BRWD1: variants seen among roughly 807,000 people sequenced by gnomAD.
BRWD1 encodes the protein bromodomain and WD repeat-containing protein 1.
BRWD1 carries 82 observed loss-of-function variants against 251.2 expected under a neutral mutation model. That is an observed-to-expected ratio of 0.33 (90% CI 0.27 to 0.39). The LOEUF is 0.39. Among genes scored for constraint, BRWD1 ranks in the 10% least tolerant of loss-of-function variants. The pLI is 1.00. For synonymous variants in BRWD1, 918 were observed against 902.8 expected, an observed-to-expected ratio of 1.02 and a Z score of -0.30; for missense variants, 2,233 against 2,711.6, an observed-to-expected ratio of 0.82 and a Z score of 3.92.
In BRWD1 at chr21:39,289,986, C is replaced by A. The variant is rs1418506292; in HGVS notation, c.831+3825G>T. On this transcript the variant is annotated intron_variant, in intron 8 of 40. Transcript: ENST00000342449. ...CTTGCAGTGAGCCGAGATCGCGCCA[C>A]TGCACTCCAGCCTGGGTGACAGAGT... Among the ~76,000 whole-genome samples, 6 of 147,734 alleles carry A rather than the reference C, an allele frequency of 4.1e-5. No individual in the cohort carries two copies. In the Admixed American group the frequency reaches 4.1e-4, roughly 10 times the overall value.
At chr21:39,239,516 T>A (rs4818008) in intron 21 of BRWD1, among the ~76,000 whole-genome samples, 52,065 of 151,994 alleles carry the variant, frequency 0.34, 9,437 homozygotes, top group Admixed American at 0.42. Flanking sequence ...GGGCTCTTTA[T>A]GTTGTTCCAT....
At chr21:39,267,734 T>C (rs528253858) in intron 15 of BRWD1, among the ~76,000 whole-genome samples, 10 of 152,316 alleles carry the variant, frequency 6.6e-5, no homozygotes, top group African/African-American at 1.7e-4. Context: ...GAATTTATCT[T>C]AGGGAAATAA....
intron 8 of BRWD1, among the ~76,000 whole-genome samples, chr21:39,290,725 G>A (rs2035785311): frequency 6.6e-6 from 1 of 152,132 alleles, no homozygotes; most frequent in Admixed American, 6.5e-5. Context: ...TGTTAACTGT[G>A]AAACCTAGCA....
intron 23 of BRWD1, chr21:39,235,637 C>T: frequency 4.5e-6 from 1 of 221,578 alleles, no homozygotes; most frequent in Admixed American, 4.1e-5. Flanking sequence ...GAGAAAAACT[C>T]CCCAAATTCT....
chr21:39,189,710 AATTTT>A lies in BRWD1; in HGVS notation c.*6544_*6548del. 1.0e-6 allele frequency: 1 copy of A among 981,354 alleles called. No individual in the cohort carries two copies. Among genetic ancestry groups the A allele is most frequent in the Non-Finnish European group, 1.2e-6 (1 of 826,206 alleles). 60.8% of individuals were successfully genotyped at this position (981,354 alleles called of 1,614,324 possible). A position where few individuals can be genotyped will look rare whatever the true frequency, so the allele number is the denominator to read the frequency against. ...TTTTAAATACATTCAAGTCAGTGTT[AATTTT>A]ATTACTGAAAACTGAGTAAATTATA... is the stretch of plus-strand genomic sequence containing the variant. On this transcript the variant is annotated 3_prime_UTR_variant, in exon 41 of 41. Coordinates refer to ENST00000342449, the MANE Select transcript of BRWD1 (RefSeq NM_033656.4).
intron 8 of BRWD1, among the ~76,000 whole-genome samples, chr21:39,284,470 C>T (rs1601459502): frequency 6.6e-6 from 1 of 152,192 alleles, no homozygotes. Flanking sequence ...AGAGAGAGAA[C>T]CTGCCTCTGG....
At chr21:39,313,153 C>T in intron 2 of BRWD1, 52 bp from the exon 3 acceptor site, 3 of 1,494,084 alleles carry the variant, frequency 2.0e-6, no homozygotes, top group Non-Finnish European at 2.7e-6. Flanking sequence ...GGGGCGCTCC[C>T]GTTTCACCCC....
intron 31 of BRWD1, among the ~76,000 whole-genome samples, chr21:39,215,932 C>T (rs997925603): frequency 6.6e-6 from 1 of 151,940 alleles, no homozygotes; most frequent in African/African-American, 2.4e-5. Flanking sequence ...CCTGGCAGGT[C>T]GAGGCTACAG....
chr21:39,313,145 G>A, intron 2 of BRWD1, 44 bp from the exon 3 acceptor site: 1 of 1,495,952 alleles, frequency 6.7e-7, no homozygotes, highest in South Asian at 1.3e-5. Context: ...TCGGGCCCGG[G>A]GCGCTCCCGT....
chr21:39,295,988 G>T, intron 6 of BRWD1, 85 bp from the exon 7 acceptor site: 4 of 1,195,958 alleles, frequency 3.3e-6, no homozygotes, highest in Non-Finnish European at 3.4e-6. Context: ...TTTCTAGAGG[G>T]TCACAAAAAT....
At chr21:39,257,479 G>A (rs923273619) in intron 18 of BRWD1, among the ~76,000 whole-genome samples, 1 of 151,986 alleles carries the variant, frequency 6.6e-6, no homozygotes, top group Non-Finnish European at 1.5e-5. Flanking sequence ...AGTGCTCTGA[G>A]GAAACTTTTC....
intron 8 of BRWD1, among the ~76,000 whole-genome samples, chr21:39,292,966 G>A (rs546752204): frequency 1.1e-4 from 17 of 151,820 alleles, no homozygotes; most frequent in Admixed American, 6.6e-4. Context: ...CATCATAACC[G>A]TCACTATGAA....
At chr21:39,282,580 T>A (rs1280234513) in intron 8 of BRWD1, among the ~76,000 whole-genome samples, 2 of 152,190 alleles carry the variant, frequency 1.3e-5, no homozygotes, top group East Asian at 3.8e-4. Context: ...TTAAACACCT[T>A]CCACACTGAA....
Position 39,193,767 on chromosome 21 carries a change from C to T in BRWD1, c.*2492G>A. 1.0e-6 allele frequency: 1 copy of T among 985,430 alleles called. No individual in the cohort carries two copies. Among genetic ancestry groups the T allele is most frequent in the Non-Finnish European group, 1.2e-6 (1 of 829,682 alleles). 61.0% of individuals were successfully genotyped at this position (985,430 alleles called of 1,614,324 possible). A position where few individuals can be genotyped will look rare whatever the true frequency, so the allele number is the denominator to read the frequency against. On this transcript the variant is annotated 3_prime_UTR_variant, in exon 41 of 41. Transcript: ENST00000342449. ...ATTAAAGTACACCTGTGCATTAAAT[C>T]CCTGGGCATTTTGCATAACGTAGAA...
In BRWD1 at chr21:39,196,111, C is replaced by T. The variant is rs1361546055; in HGVS notation, c.*148G>A. 7 of 1,403,658 alleles carry T rather than the reference C, an allele frequency of 5.0e-6. No homozygotes were observed. Among genetic ancestry groups the T allele is most frequent in the African/African-American group, 3.0e-5 (2 of 67,528 alleles). The allele number at this position is 1,403,658 out of a possible 1,614,324, so 87.0% of individuals were successfully genotyped here. ...GACCAGCAAGTGCAAATAAAAATAA[C>T]AGTCATGATTTAGTCACATTCATAA... On this transcript the variant is annotated 3_prime_UTR_variant, in exon 41 of 41. Coordinates refer to ENST00000342449, the MANE Select transcript of BRWD1 (RefSeq NM_033656.4).
chr21:39,224,769 C>T (rs939892330), intron 28 of BRWD1, among the ~76,000 whole-genome samples: 14 of 152,048 alleles, frequency 9.2e-5, no homozygotes, highest in African/African-American at 3.1e-4. Flanking sequence ...AATGAAGAGG[C>T]GTCAAAGGTT....
At chr21:39,250,134 CA>C (rs2034347463) in intron 20 of BRWD1, among the ~76,000 whole-genome samples, 2 of 152,098 alleles carry the variant, frequency 1.3e-5, no homozygotes, top group African/African-American at 4.8e-5. Flanking sequence ...GCTGTTAGCC[CA>C]AAAGGCTACA....
intron 31 of BRWD1, among the ~76,000 whole-genome samples, 199 bp from the exon 32 acceptor site, chr21:39,215,561 C>A (rs1241141069): frequency 1.3e-5 from 2 of 152,172 alleles, no homozygotes; most frequent in African/African-American, 4.8e-5. Context: ...TTATATTGAA[C>A]TGAAGAGGAC....
chr21:39,262,520 T>C (rs1438242234), intron 17 of BRWD1, among the ~76,000 whole-genome samples: 1 of 152,104 alleles, frequency 6.6e-6, no homozygotes, highest in African/African-American at 2.4e-5. Flanking sequence ...ATCGAGACCA[T>C]CCTGGCCAAC....
Sources: allele counts gnomAD v4.1 joint callset (sites outside exome capture counted in the v4.1 genomes callset), GRCh38; gene constraint gnomAD v4.1.1; transcripts MANE v1.5; gene names NCBI Gene and HGNC (gene_info 2026-07-23, HGNC 2026-07-21).